The following ARHGAP44 variants were observed in gnomAD, a reference collection of about 807,000 sequenced individuals.
ARHGAP44 encodes rho GTPase-activating protein 44.
Under a neutral mutation model 106.8 loss-of-function variants are expected in ARHGAP44, and 43 were observed. The observed-to-expected ratio is 0.40, with a 90% CI of 0.32 to 0.52. The LOEUF is 0.52. Among genes scored for constraint, ARHGAP44 ranks in the 20% least tolerant of loss-of-function variants. ARHGAP44 has a pLI of 0.48. For synonymous variants in ARHGAP44, 439 were observed against 410.3 expected (o/e 1.07, Z -0.85); for missense variants, 866 against 1,050.5 (o/e 0.82, Z 2.43).
chr17:12,988,559 A>G (rs1270728000), intron 20 of ARHGAP44: 1 of 152,200 alleles, frequency 6.6e-6, no homozygotes, highest in African/African-American at 2.4e-5. Context: ...CTGCTTCTCC[A>G]TCAGGCAGCA....
intron 16 of ARHGAP44, among the ~76,000 whole-genome samples, chr17:12,962,656 G>C (rs1012518238): frequency 6.6e-6 from 1 of 152,318 alleles, no homozygotes; most frequent in East Asian, 1.9e-4. Context: ...CCACAAGCCA[G>C]AGATTGCCAA....
chr17:12,975,594 C>T (rs948391023), intron 18 of ARHGAP44, among the ~76,000 whole-genome samples: 5 of 151,860 alleles, frequency 3.3e-5, no homozygotes, highest in Admixed American at 1.3e-4. Context: ...GTCAGGAGAT[C>T]GAGACCATCC....
chr17:12,947,627 T>C (rs2038889113), intron 10 of ARHGAP44, among the ~76,000 whole-genome samples: 1 of 152,190 alleles, frequency 6.6e-6, no homozygotes, highest in Non-Finnish European at 1.5e-5. Flanking sequence ...CTCCTCCACC[T>C]AGTTTTTATG....
Position 12,903,148 on chromosome 17 carries a change from T to A in ARHGAP44, c.199-5749T>A, listed in dbSNP as rs1192392917. ...AGAGGAGAGAGAGAGAGAGTGTGTG[T>A]GTGTGTGTGTGTGTGTGTGTGTGTG... On this transcript the variant is annotated intron_variant, in intron 3 of 20. Transcript: ENST00000379672. 9.5e-3 allele frequency among the ~76,000 whole-genome samples: 1,210 copies of A among 128,008 alleles called. 10 individuals carry two copies. The highest frequency in any genetic ancestry group is 0.029 in the African/African-American group (753 of 25,698). 84.0% of individuals were successfully genotyped at this position (128,008 alleles called of 152,430 possible). A position where few individuals can be genotyped will look rare whatever the true frequency, so the allele number is the denominator to read the frequency against.
intron 1 of ARHGAP44, among the ~76,000 whole-genome samples, chr17:12,879,124 C>A (rs759210111): frequency 1.1e-4 from 17 of 152,132 alleles, no homozygotes; most frequent in Admixed American, 3.9e-4. Context: ...TCTTTTATTT[C>A]TCACCTGCCT....
intron 1 of ARHGAP44, among the ~76,000 whole-genome samples, chr17:12,833,884 T>C (rs2035159930): frequency 6.6e-6 from 1 of 152,092 alleles, no homozygotes; most frequent in Non-Finnish European, 1.5e-5. Flanking sequence ...TAAGGGGTTG[T>C]GGAGACCAAG....
chr17:12,838,622 T>G (rs1246614924), intron 1 of ARHGAP44, among the ~76,000 whole-genome samples: 1 of 152,142 alleles, frequency 6.6e-6, no homozygotes, highest in Non-Finnish European at 1.5e-5. Context: ...ATTTGTAGTT[T>G]GAGTGCAGGA....
At chr17:12,814,915 G>A (rs1190277072) in intron 1 of ARHGAP44, among the ~76,000 whole-genome samples, 2 of 152,030 alleles carry the variant, frequency 1.3e-5, no homozygotes, top group East Asian at 3.9e-4. Flanking sequence ...GGTAAATATT[G>A]CTGAATCATG....
At chr17:12,972,755 G>A (rs2039561412) in intron 16 of ARHGAP44, among the ~76,000 whole-genome samples, 1 of 151,150 alleles carries the variant, frequency 6.6e-6, no homozygotes, top group Non-Finnish European at 1.5e-5. Flanking sequence ...TCCACCTCCT[G>A]GGTTCATGCC....
At chr17:12,943,930 A>G in intron 9 of ARHGAP44, 139 bp from the exon 10 acceptor site, 1 of 1,290,228 alleles carries the variant, frequency 7.8e-7, no homozygotes, top group Non-Finnish European at 1.0e-6. Context: ...GTCATCCTTA[A>G]AACCACAGAA....
chr17:12,933,088 G>A (rs571790205), intron 7 of ARHGAP44, among the ~76,000 whole-genome samples: 1 of 152,280 alleles, frequency 6.6e-6, no homozygotes, highest in East Asian at 1.9e-4. Flanking sequence ...TTTTGTTAAA[G>A]TTCTCTTCTG....
intron 1 of ARHGAP44, among the ~76,000 whole-genome samples, chr17:12,818,352 AAC>A (rs1555543599): frequency 2.3e-4 from 34 of 150,980 alleles, no homozygotes; most frequent in African/African-American, 8.2e-4. Flanking sequence ...AAAAAAAAAA[AAC>A]AACCCTACAA....
intron 1 of ARHGAP44, among the ~76,000 whole-genome samples, chr17:12,802,287 GT>G (rs1474341214): frequency 6.6e-6 from 1 of 152,160 alleles, no homozygotes; most frequent in East Asian, 1.9e-4. Flanking sequence ...CAAAAAAGGA[GT>G]TTTGGGAAGG....
At chr17:12,940,638 A>G (rs2038681233) in intron 7 of ARHGAP44, among the ~76,000 whole-genome samples, 1 of 152,208 alleles carries the variant, frequency 6.6e-6, no homozygotes, top group African/African-American at 2.4e-5. Flanking sequence ...TTGAGTCAGT[A>G]TTGAGAATGA....
At chr17:12,903,048 ACAGTAGACAAGAATTTTC>A (rs1468431303) in intron 3 of ARHGAP44, among the ~76,000 whole-genome samples, 1 of 146,412 alleles carries the variant, frequency 6.8e-6, no homozygotes, top group East Asian at 2.1e-4. Context: ...GAATTAGAGG[ACAGTAGACAAGAATTTTC>A]CAAGATAGGG....
chr17:12,835,074 G>A (rs2035196451), intron 1 of ARHGAP44, among the ~76,000 whole-genome samples: 1 of 152,184 alleles, frequency 6.6e-6, no homozygotes, highest in Non-Finnish European at 1.5e-5. Flanking sequence ...TTGCATTAGA[G>A]AAATAGAGAT....
Position 12,990,065 on chromosome 17 carries a change from T to C in ARHGAP44, c.2351T>C (p.Ile784Thr), listed in dbSNP as rs534940656. The change falls in exon 21 of 21, where the codon ATA (isoleucine) becomes ACA (threonine). Residue 784 changes from isoleucine (I) to threonine (T), a missense_variant. This residue lies in a region of ARHGAP44 where 418 missense variants were observed against 403.6 expected (regional missense o/e 1.04). Transcript: ENST00000379672. ...CACTTTGATATTCCCTCGATCCACA[T>C]AGAGCTCGGGTCGACGCTCCGCCTG... is the stretch of plus-strand genomic sequence containing the variant. Reference protein sequence around the residue: ...LVHFDIPSIHIELGSTLRLSP... With the variant: ...LVHFDIPSIHTELGSTLRLSP... 5.0e-6 allele frequency: 8 copies of C among 1,612,152 alleles called. No homozygotes were observed. The highest frequency in any genetic ancestry group is 1.7e-5 in the Admixed American group (1 of 60,000).
chr17:12,841,077 A>T (rs2035376849), intron 1 of ARHGAP44, among the ~76,000 whole-genome samples: 1 of 152,192 alleles, frequency 6.6e-6, no homozygotes. Flanking sequence ...AAGCCCCTCC[A>T]GGTGGAACTC....
chr17:12,888,878 G>T (rs527508242), intron 1 of ARHGAP44, among the ~76,000 whole-genome samples: 1 of 152,034 alleles, frequency 6.6e-6, no homozygotes, highest in Non-Finnish European at 1.5e-5. Flanking sequence ...TTCTGAAATT[G>T]TCTTTATGTG....
Sources: gnomAD v4.1 joint callset for allele counts (sites outside exome capture counted in the v4.1 genomes callset) on GRCh38, gnomAD v4.1.1 for gene constraint, gnomAD v4.1.1 regional missense constraint, MANE v1.5 for transcripts, NCBI Gene and HGNC (gene_info 2026-07-23, HGNC 2026-07-21) for gene names.